The following TAS2R1 variants were observed in gnomAD, a reference collection of about 807,000 sequenced individuals.
The protein encoded by TAS2R1 is taste receptor type 2 member 1.
For missense variants in TAS2R1, 370 were observed against 353.4 expected (o/e 1.05, Z -0.38); for synonymous variants, 141 against 134.2 (o/e 1.05, Z -0.35).
the TAS2R1 span, among the ~76,000 whole-genome samples, chr5:9,894,662 A>G: frequency 6.6e-6 from 1 of 152,220 alleles, no homozygotes; most frequent in Non-Finnish European, 1.5e-5. Context: ...CTAGCAAACT[A>G]ATACAGTAAG....
the TAS2R1 span, among the ~76,000 whole-genome samples, chr5:9,782,438 G>T: frequency 6.6e-6 from 1 of 151,410 alleles, no homozygotes; most frequent in African/African-American, 2.4e-5. Context: ...ATTTCCCCTG[G>T]GTGGGCATCC....
the TAS2R1 span, among the ~76,000 whole-genome samples, chr5:9,824,808 C>T: frequency 1.4e-5 from 2 of 138,946 alleles, no homozygotes. Context: ...GATCATGCCA[C>T]TACACTCCAA....
intron 1 of TAS2R1, among the ~76,000 whole-genome samples, chr5:9,697,191 A>C (rs1452632372): frequency 6.6e-6 from 1 of 152,102 alleles, no homozygotes; most frequent in Non-Finnish European, 1.5e-5. Flanking sequence ...AAAAAAAGAC[A>C]ACCTCTTGAA....
intron 2 of TAS2R1, among the ~76,000 whole-genome samples, chr5:9,645,914 A>G (rs1740177326): frequency 6.6e-6 from 1 of 152,172 alleles, no homozygotes; most frequent in Non-Finnish European, 1.5e-5. Flanking sequence ...CATTTAAATG[A>G]ACCCACAAAT....
chr5:9,749,424 C>T, the TAS2R1 span, among the ~76,000 whole-genome samples: 1 of 152,140 alleles, frequency 6.6e-6, no homozygotes, highest in Non-Finnish European at 1.5e-5. Context: ...TGATACTGGA[C>T]AAAATTTGAA....
intron 1 of TAS2R1, among the ~76,000 whole-genome samples, chr5:9,707,575 C>T (rs1012216065): frequency 5.3e-5 from 8 of 152,088 alleles, no homozygotes; most frequent in African/African-American, 1.7e-4. Context: ...CCCAGCTACT[C>T]GGTAGGGTGA....
At chr5:9,742,390 T>C in the TAS2R1 span, among the ~76,000 whole-genome samples, 1 of 152,210 alleles carries the variant, frequency 6.6e-6, no homozygotes, top group Non-Finnish European at 1.5e-5. Context: ...ATCAGGAGTC[T>C]GTAGCAAAAT....
chr5:9,710,309 G>A (rs1741703751), intron 1 of TAS2R1, among the ~76,000 whole-genome samples: 2 of 152,188 alleles, frequency 1.3e-5, no homozygotes, highest in African/African-American at 2.4e-5. Flanking sequence ...CAAGGCCTGG[G>A]CCAGAGGATT....
At chr5:9,671,330 T>C (rs1740750098) in intron 1 of TAS2R1, among the ~76,000 whole-genome samples, 2 of 152,026 alleles carry the variant, frequency 1.3e-5, no homozygotes, top group Admixed American at 6.6e-5. Flanking sequence ...GCCATCCAAA[T>C]AGGAAGAGAG....
the TAS2R1 span, among the ~76,000 whole-genome samples, chr5:9,752,666 A>T: frequency 1.3e-5 from 2 of 152,120 alleles, no homozygotes; most frequent in African/African-American, 4.8e-5. Flanking sequence ...GTCATTTAAC[A>T]TTAGGTATAT....
chr5:9,809,484 C>G, the TAS2R1 span, among the ~76,000 whole-genome samples: 1 of 151,906 alleles, frequency 6.6e-6, no homozygotes, highest in East Asian at 1.9e-4. Flanking sequence ...GAGGAGATAC[C>G]AGGCCTACGA....
At chr5:9,781,555 T>TG in the TAS2R1 span, among the ~76,000 whole-genome samples, 1 of 152,208 alleles carries the variant, frequency 6.6e-6, no homozygotes, top group Non-Finnish European at 1.5e-5. Context: ...GCACAGTCCC[T>TG]GCCCAGGAGG....
rs149510527 is a variant in TAS2R1, at chr5:9,629,470, A to C, written c.563T>G (p.Leu188Arg). The change falls in exon 1 of 1, where the codon CTT becomes CGT. Residue 188 changes from leucine to arginine, a missense_variant. By Grantham distance (102) the Leu-to-Arg change is moderately radical (BLOSUM62 -2). Transcript: ENST00000382492. ...GAGCAAAACAGCAAAAAGGAAGATA[A>C]GCAATGGCACTGAGAACTCAGCAAC... ...SFVAEFSVPL[L>R]IFLFAVLLLI... is the part of the protein sequence containing the mutation. The C allele has an allele frequency of 2.2e-5, 35 of 1,614,078 alleles. No individual in the cohort carries two copies. Among genetic ancestry groups the C allele is most frequent in the Non-Finnish European group, 3.0e-5 (35 of 1,180,046 alleles).
At chr5:9,733,583 AT>A in the TAS2R1 span, among the ~76,000 whole-genome samples, 2 of 152,224 alleles carry the variant, frequency 1.3e-5, no homozygotes, top group South Asian at 4.1e-4. Context: ...AAACATTAGC[AT>A]TTGGCTTCCA....
At chr5:9,645,689 C>A (rs761122738) in intron 2 of TAS2R1, 20 of 152,182 alleles carry the variant, frequency 1.3e-4, no homozygotes, top group Admixed American at 8.5e-4. Flanking sequence ...TTCATCAAGT[C>A]AGAACTAATC....
chr5:9,634,929 C>T (rs1048315655), upstream of TAS2R1, among the ~76,000 whole-genome samples: 2 of 152,000 alleles, frequency 1.3e-5, no homozygotes, highest in Admixed American at 6.6e-5. Context: ...GATTTGGATG[C>T]CCTTTATTTC....
the TAS2R1 span, among the ~76,000 whole-genome samples, chr5:9,722,522 G>A: frequency 1.3e-5 from 2 of 152,168 alleles, no homozygotes; most frequent in African/African-American, 4.8e-5. Flanking sequence ...ATGTCCTTTG[G>A]AGCAGGGGTT....
At chr5:9,713,386 C>T (rs1734737494), upstream of TAS2R1, among the ~76,000 whole-genome samples, 1 of 152,092 alleles carries the variant, frequency 6.6e-6, no homozygotes, top group South Asian at 2.1e-4. Context: ...ATTTTCTGGG[C>T]TTCTGGCAAA....
At chr5:9,724,246 T>C in the TAS2R1 span, among the ~76,000 whole-genome samples, 15 of 152,182 alleles carry the variant, frequency 9.9e-5, no homozygotes, top group Non-Finnish European at 1.3e-4. Context: ...CAAGGCTGTA[T>C]GGCCAGCAAG....
Sources: allele counts gnomAD v4.1 joint callset (sites outside exome capture counted in the v4.1 genomes callset), GRCh38; gene constraint gnomAD v4.1.1; transcripts MANE v1.5; gene names NCBI Gene and HGNC (gene_info 2026-07-23, HGNC 2026-07-21).